The following FAM117B variants were observed in gnomAD, a reference collection of about 807,000 sequenced individuals.
The protein encoded by FAM117B is family with sequence similarity 117 member B.
In FAM117B, 22 loss-of-function variants were observed where a neutral mutation model predicts 52.8. The ratio of observed to expected loss-of-function variants is 0.42; its 90% confidence interval spans 0.30 to 0.59. FAM117B has a LOEUF of 0.59. Among genes scored for constraint, FAM117B ranks in the 20% least tolerant of loss-of-function variants. FAM117B has a pLI of 0.22. For missense variants in FAM117B, 678 were observed against 802.6 expected (o/e 0.84, Z 1.88); for synonymous variants, 309 against 324.1 (o/e 0.95, Z 0.50).
chr2:202,658,054 T>G (rs937032292), intron 1 of FAM117B, among the ~76,000 whole-genome samples: 10 of 152,234 alleles, frequency 6.6e-5, no homozygotes, highest in African/African-American at 2.4e-4. Context: ...GTTACATCTT[T>G]AAACATTGAA....
chr2:202,741,679 G>A (rs1159309851), intron 4 of FAM117B, among the ~76,000 whole-genome samples: 1 of 151,880 alleles, frequency 6.6e-6, no homozygotes, highest in African/African-American at 2.4e-5. Context: ...TGGGACTACA[G>A]GCGCCCGCCA....
chr2:202,666,824 T>C (rs534447802), intron 1 of FAM117B, among the ~76,000 whole-genome samples: 2 of 151,098 alleles, frequency 1.3e-5, no homozygotes, highest in East Asian at 4.0e-4. Context: ...TTTTTGTAGT[T>C]TTAGTAGAGA....
intron 4 of FAM117B, among the ~76,000 whole-genome samples, chr2:202,754,452 A>T (rs1188089543): frequency 6.6e-6 from 1 of 152,174 alleles, no homozygotes; most frequent in African/African-American, 2.4e-5. Context: ...GTACCTTTGT[A>T]ACAAACCTGC....
intron 4 of FAM117B, among the ~76,000 whole-genome samples, chr2:202,732,749 C>T (rs1037358564): frequency 3.3e-5 from 5 of 151,740 alleles, no homozygotes; most frequent in African/African-American, 4.8e-5. Flanking sequence ...TGAACCTGGG[C>T]GGCAGAGGTT....
At chr2:202,641,379 G>A (rs747556001) in intron 1 of FAM117B, among the ~76,000 whole-genome samples, 10 of 152,256 alleles carry the variant, frequency 6.6e-5, no homozygotes, top group Middle Eastern at 3.4e-3. Context: ...AGGGAGAGAC[G>A]TAAGTTTTCA....
At chr2:202,735,605 C>T (rs1455421220) in intron 4 of FAM117B, among the ~76,000 whole-genome samples, 1 of 152,074 alleles carries the variant, frequency 6.6e-6, no homozygotes, top group East Asian at 1.9e-4. Context: ...AATGACAAAA[C>T]CGTCAGATGT....
intron 2 of FAM117B, among the ~76,000 whole-genome samples, chr2:202,696,596 A>G (rs1252221315): frequency 6.6e-6 from 1 of 152,230 alleles, no homozygotes; most frequent in Non-Finnish European, 1.5e-5. Flanking sequence ...GTAACAGCAA[A>G]GATTAGTGAC....
chr2:202,645,535 C>T (rs1017769649), intron 1 of FAM117B, among the ~76,000 whole-genome samples: 33 of 144,780 alleles, frequency 2.3e-4, no homozygotes, highest in Non-Finnish European at 4.4e-4. Flanking sequence ...GTGATCTGCC[C>T]GCCTCGGCCT....
intron 2 of FAM117B, among the ~76,000 whole-genome samples, chr2:202,717,217 C>T (rs985006760): frequency 2.0e-5 from 3 of 152,144 alleles, no homozygotes; most frequent in African/African-American, 7.2e-5. Flanking sequence ...ACCTTTAACT[C>T]TCCAGCACTT....
At chr2:202,662,842 CAAA>C (rs1690151291) in intron 1 of FAM117B, among the ~76,000 whole-genome samples, 1 of 151,518 alleles carries the variant, frequency 6.6e-6, no homozygotes, top group Non-Finnish European at 1.5e-5. Flanking sequence ...GACTCCATCT[CAAA>C]AGAAGAAGAA....
chr2:202,736,376 A>G (rs372012314), intron 4 of FAM117B, among the ~76,000 whole-genome samples: 1 of 151,770 alleles, frequency 6.6e-6, no homozygotes, highest in African/African-American at 2.4e-5. Flanking sequence ...GATATTAAGA[A>G]TGAAGGCCAC....
At chr2:202,731,338 T>G (rs913112840) in intron 4 of FAM117B, among the ~76,000 whole-genome samples, 1 of 106,460 alleles carries the variant, frequency 9.4e-6, no homozygotes, top group African/African-American at 4.4e-5. Flanking sequence ...TTGGAATATA[T>G]ATATATATAT....
At chr2:202,654,058 T>TGAGA (rs1228924079) in intron 1 of FAM117B, among the ~76,000 whole-genome samples, 19 of 113,440 alleles carry the variant, frequency 1.7e-4, no homozygotes, top group African/African-American at 7.5e-4. Flanking sequence ...GGGAAGAGAG[T>TGAGA]GAGTGAGAGA....
chr2:202,696,127 T>G (rs1439662911), intron 2 of FAM117B, 95 bp downstream of exon 2: 4 of 1,311,280 alleles, frequency 3.1e-6, no homozygotes, highest in Non-Finnish European at 4.1e-6. Context: ...AAACATTTAG[T>G]GTATATTAGA....
intron 1 of FAM117B, among the ~76,000 whole-genome samples, chr2:202,671,040 T>G (rs1291449009): frequency 6.6e-6 from 1 of 152,254 alleles, no homozygotes; most frequent in Non-Finnish European, 1.5e-5. Flanking sequence ...AAAGTAATTG[T>G]GATCTTCAGT....
intron 1 of FAM117B, among the ~76,000 whole-genome samples, chr2:202,642,689 C>T (rs1357352254): frequency 6.6e-6 from 1 of 152,110 alleles, no homozygotes; most frequent in Admixed American, 6.6e-5. Flanking sequence ...ACACTTTGAA[C>T]TTGGGGGTAA....
At chr2:202,717,581 A>G (rs1211208458) in intron 2 of FAM117B, among the ~76,000 whole-genome samples, 2 of 152,182 alleles carry the variant, frequency 1.3e-5, no homozygotes, top group African/African-American at 4.8e-5. Context: ...TGCCTTGACA[A>G]TGTTGATGAA....
chr2:202,676,666 C>T (rs1209262152), intron 1 of FAM117B, among the ~76,000 whole-genome samples: 1 of 152,166 alleles, frequency 6.6e-6, no homozygotes. Context: ...ATGTGGGCCA[C>T]CGCGCCTGGT....
rs1559117566 is a variant in FAM117B, at chr2:202,759,377, C to A, written c.1451+24C>A. 3.2e-6 allele frequency: 5 copies of A among 1,585,376 alleles called. No homozygotes were observed. In the Admixed American group the frequency reaches 5.8e-5, roughly 18 times the overall value. On this transcript the variant is annotated intron_variant, in intron 7 of 7. Transcript: ENST00000392238. The stretch of plus-strand genomic sequence containing the variant: ...TCGTAAGTATCCCTTCCACCATCCC[C>A]ACAAAAAAACTATTATGAGCTTTTT...
Sources: allele counts gnomAD v4.1 joint callset (sites outside exome capture counted in the v4.1 genomes callset), GRCh38; gene constraint gnomAD v4.1.1; transcripts MANE v1.5; gene names NCBI Gene and HGNC (gene_info 2026-07-23, HGNC 2026-07-21).